CELF1: variants seen among roughly 807,000 people sequenced by gnomAD.
The protein encoded by CELF1 is CUGBP Elav-like family member 1, also known as 50 kDa nuclear polyadenylated RNA-binding protein.
In CELF1, 10 loss-of-function variants were observed where a neutral mutation model predicts 61.8. The ratio of observed to expected loss-of-function variants is 0.16; its 90% confidence interval spans 0.10 to 0.27. CELF1 has a LOEUF of 0.27. CELF1 is among the 10% of genes least tolerant of loss of function. The probability of loss-of-function intolerance (pLI) is 1.00; values close to 1 mark genes in which losing one functional copy is unlikely to be tolerated. For synonymous variants in CELF1, 236 were observed against 225.1 expected (o/e 1.05, Z -0.43); for missense variants, 380 against 639.1 (o/e 0.59, Z 4.37).
intron 1 of CELF1, among the ~76,000 whole-genome samples, chr11:47,527,073 G>GA (rs2096271434): frequency 6.8e-6 from 1 of 146,272 alleles, no homozygotes; most frequent in African/African-American, 2.5e-5. Flanking sequence ...AAGCTTCAAA[G>GA]AAAAAAGCAC....
At chr11:47,533,270 T>C (rs1350133187) in intron 1 of CELF1, among the ~76,000 whole-genome samples, 1 of 152,142 alleles carries the variant, frequency 6.6e-6, no homozygotes, top group Non-Finnish European at 1.5e-5. Flanking sequence ...GGGGATCACT[T>C]GAGGTCAGGA....
intron 1 of CELF1, among the ~76,000 whole-genome samples, chr11:47,527,339 C>T (rs558037639): frequency 6.6e-6 from 1 of 152,184 alleles, no homozygotes; most frequent in East Asian, 1.9e-4. Context: ...TGCAGTTAGC[C>T]GTGATCGTGC....
At chr11:47,510,260 G>A (rs1037887286) in intron 1 of CELF1, among the ~76,000 whole-genome samples, 4 of 152,146 alleles carry the variant, frequency 2.6e-5, no homozygotes, top group African/African-American at 9.7e-5. Flanking sequence ...AATAGGCAAG[G>A]TAATAAGCTC....
At chr11:47,547,182 G>A (rs564652586) in intron 1 of CELF1, among the ~76,000 whole-genome samples, 1 of 150,526 alleles carries the variant, frequency 6.6e-6, no homozygotes, top group East Asian at 2.0e-4. Flanking sequence ...TTGGATTATC[G>A]TTATAGACCA....
At chr11:47,491,963 A>T (rs2091665180) in intron 3 of CELF1, among the ~76,000 whole-genome samples, 2 of 152,174 alleles carry the variant, frequency 1.3e-5, no homozygotes, top group Non-Finnish European at 1.5e-5. Flanking sequence ...TGATTATTTA[A>T]TTGCCACAGG....
intron 1 of CELF1, among the ~76,000 whole-genome samples, chr11:47,533,629 T>C (rs1398009396): frequency 8.8e-6 from 1 of 114,016 alleles, no homozygotes; most frequent in Non-Finnish European, 1.8e-5. Context: ...TTTCAAAAAA[T>C]AAATAAATAC....
At chr11:47,488,771 C>CA in intron 4 of CELF1, 66 bp downstream of exon 4, 1 of 1,282,510 alleles carries the variant, frequency 7.8e-7, no homozygotes. Flanking sequence ...GTTAAAAACC[C>CA]AAAGCCCTCA....
At chr11:47,548,865 C>CAAAAAAAAAAAAAAAAAAAAAACAA (rs35634201) in intron 1 of CELF1, among the ~76,000 whole-genome samples, 1 of 83,622 alleles carries the variant, frequency 1.2e-5, no homozygotes, top group Non-Finnish European at 2.3e-5. Flanking sequence ...GACTCCATCT[C>CAAAAAAAAAAAAAAAAAAAAAACAA]AAAAAAAAAA....
chr11:47,500,990 AAAAG>A (rs770305207), intron 1 of CELF1, 58 bp from the exon 2 acceptor site: 9 of 398,478 alleles, frequency 2.3e-5, no homozygotes, highest in Admixed American at 1.3e-4. Flanking sequence ...TTAAAAAAAA[AAAAG>A]AAAGGCAACA....
chr11:47,550,732 A>T (rs1287848546), intron 1 of CELF1, among the ~76,000 whole-genome samples: 4 of 152,038 alleles, frequency 2.6e-5, no homozygotes, highest in Admixed American at 1.3e-4. Context: ...ATTAAGAAAA[A>T]TACACGGAAG....
intron 9 of CELF1, among the ~76,000 whole-genome samples, chr11:47,479,332 GT>G (rs1436216442): frequency 6.6e-6 from 1 of 152,150 alleles, no homozygotes; most frequent in Non-Finnish European, 1.5e-5. Flanking sequence ...CCTCTCCCAA[GT>G]TCTCCTTAGT....
chr11:47,495,826 A>C (rs2092988565), intron 3 of CELF1: 2 of 236,156 alleles, frequency 8.5e-6, no homozygotes, highest in South Asian at 1.5e-4. Flanking sequence ...CAAGACCTTC[A>C]AACGGGACCT....
Position 47,502,846 on chromosome 11 carries a change from T to C in CELF1, c.-153-1914A>G, listed in dbSNP as rs150530156. On this transcript the variant is annotated intron_variant, in intron 1 of 14. Coordinates refer to ENST00000687097, the MANE Select transcript of CELF1 (RefSeq NM_001376376.1). ...GACTCTGTCTCAAAAAAAAATCAGA[T>C]AGACATTCCAGGCTTTTCCCACAAA... Among the ~76,000 whole-genome samples, 602 of 151,934 alleles carry C rather than the reference T, an allele frequency of 4.0e-3. 3 individuals carry two copies. Among genetic ancestry groups the C allele is most frequent in the Non-Finnish European group, 3.8e-3 (255 of 67,912 alleles).
At chr11:47,552,880 G>C in intron 1 of CELF1, 112 bp downstream of exon 1, 1 of 395,828 alleles carries the variant, frequency 2.5e-6, no homozygotes. Context: ...GCGCCCGGAG[G>C]GCCCTGTGAC....
intron 2 of CELF1, 186 bp from the exon 3 acceptor site, chr11:47,499,790 T>C (rs2093668561): frequency 1.6e-5 from 7 of 436,778 alleles, no homozygotes; most frequent in Non-Finnish European, 2.5e-5. Context: ...CAGGCTTGTT[T>C]TGTGCAATTT....
At chr11:47,519,990 T>G (rs765216630) in intron 1 of CELF1, among the ~76,000 whole-genome samples, 3 of 125,838 alleles carry the variant, frequency 2.4e-5, no homozygotes, top group Non-Finnish European at 4.9e-5. Context: ...TTTGATTTCA[T>G]TTTTACAAAA....
At chr11:47,552,013 TA>T (rs78697230) in intron 1 of CELF1, among the ~76,000 whole-genome samples, 3,291 of 127,016 alleles carry the variant, frequency 0.026, 37 homozygotes, top group African/African-American at 0.05. Flanking sequence ...AACTCCGTCT[TA>T]AAAAAAAAAA....
At chr11:47,475,979 A>G (rs2079889404) in intron 12 of CELF1, among the ~76,000 whole-genome samples, 2 of 152,072 alleles carry the variant, frequency 1.3e-5, no homozygotes, top group South Asian at 2.1e-4. Flanking sequence ...TGTGCTCAGC[A>G]GCACTTTACC....
Position 47,487,744 on chromosome 11 carries a change from C to T in CELF1, c.260-503G>A, listed in dbSNP as rs549356439. 2.0e-5 allele frequency among the ~76,000 whole-genome samples: 3 copies of T among 152,328 alleles called. No individual in the cohort carries two copies. In the South Asian group the frequency reaches 6.2e-4, roughly 32 times the overall value. ...ATTAAATTATAAAATGACTTAAGAGCAAGCACCTCTTAACATCTTTTTTTG... is the reference window on the plus strand; with the variant it reads ...ATTAAATTATAAAATGACTTAAGAGTAAGCACCTCTTAACATCTTTTTTTG... On this transcript the variant is annotated intron_variant, in intron 4 of 14. Transcript: ENST00000687097.
Sources: allele counts gnomAD v4.1 joint callset (sites outside exome capture counted in the v4.1 genomes callset), GRCh38; gene constraint gnomAD v4.1.1; transcripts MANE v1.5; gene names NCBI Gene and HGNC (gene_info 2026-07-23, HGNC 2026-07-21).